CCDC7: variants seen among roughly 807,000 people sequenced by gnomAD.
CCDC7 encodes coiled-coil domain-containing protein 7.
Under a neutral mutation model 196.9 loss-of-function variants are expected in CCDC7, and 183 were observed. The ratio of observed to expected loss-of-function variants is 0.93; its 90% confidence interval spans 0.82 to 1.05. The LOEUF (loss-of-function observed/expected upper bound fraction) is 1.05, where lower values mean the gene tolerates loss of function less well. Ranked by LOEUF, CCDC7 falls within the 50% of genes least tolerant of loss-of-function variation. The pLI is 0.00. For synonymous variants in CCDC7, 525 were observed against 484.6 expected (o/e 1.08, Z -1.10); for missense variants, 1,540 against 1,482.2 (o/e 1.04, Z -0.64).
At chr10:32,557,627 T>G (rs2054582929) in intron 13 of CCDC7, among the ~76,000 whole-genome samples, 1 of 152,354 alleles carries the variant, frequency 6.6e-6, no homozygotes, top group Admixed American at 6.5e-5. Context: ...CCATCTGTTC[T>G]TATGCTCATA....
intron 11 of CCDC7, among the ~76,000 whole-genome samples, chr10:32,523,673 A>G (rs986284202): frequency 6.6e-6 from 1 of 152,026 alleles, no homozygotes; most frequent in Non-Finnish European, 1.5e-5. Context: ...GACTGCATAT[A>G]TATTTACAAT....
intron 8 of CCDC7, among the ~76,000 whole-genome samples, chr10:32,482,275 G>A (rs2040110331): frequency 6.6e-6 from 1 of 151,796 alleles, no homozygotes; most frequent in African/African-American, 2.4e-5. Flanking sequence ...GGTGAAGTCT[G>A]GGCTTTTAGT....
At chr10:32,679,309 C>G (rs573187738) in intron 21 of CCDC7, among the ~76,000 whole-genome samples, 28 of 152,206 alleles carry the variant, frequency 1.8e-4, no homozygotes, top group Non-Finnish European at 3.5e-4. Flanking sequence ...TGGCAGTGTC[C>G]TTCTGCCATA....
At chr10:32,581,220 T>C (rs2058703410) in intron 16 of CCDC7, among the ~76,000 whole-genome samples, 2 of 152,160 alleles carry the variant, frequency 1.3e-5, no homozygotes, top group African/African-American at 4.8e-5. Context: ...TATTTAGACA[T>C]GGAGTGATTA....
At chr10:32,444,773 A>G (rs2030582676), upstream of CCDC7, among the ~76,000 whole-genome samples, 2 of 151,776 alleles carry the variant, frequency 1.3e-5, no homozygotes, top group Admixed American at 1.3e-4. Flanking sequence ...AAATCTGATC[A>G]TTTATATGTA....
chr10:32,713,139 T>C (rs1457693631), intron 25 of CCDC7, among the ~76,000 whole-genome samples: 3 of 152,190 alleles, frequency 2.0e-5, no homozygotes, highest in African/African-American at 7.2e-5. Flanking sequence ...ACTAGTAATA[T>C]ATTCAGTAGT....
intron 31 of CCDC7, among the ~76,000 whole-genome samples, chr10:32,823,146 T>A (rs1355885386): frequency 1.3e-5 from 2 of 151,944 alleles, no homozygotes; most frequent in Non-Finnish European, 2.9e-5. Flanking sequence ...TCCAATATGA[T>A]GCTTTTTTTT....
At chr10:32,641,656 A>G (rs568679375) in intron 20 of CCDC7, among the ~76,000 whole-genome samples, 1 of 152,332 alleles carries the variant, frequency 6.6e-6, no homozygotes, top group South Asian at 2.1e-4. Flanking sequence ...TCAACTCGTC[A>G]AAGTCATTCT....
rs112747270 is a variant in CCDC7, at chr10:32,761,025, C to A, written c.2906-17952C>A. Among the ~76,000 whole-genome samples the A allele has an allele frequency of 2.7e-5, 4 of 150,882 alleles. No individual in the cohort carries two copies. In the East Asian group the frequency reaches 7.7e-4, roughly 29 times the overall value. ...GTATGGCAATATATTAATAATGTAACGTATGAATTCAGAAATGGAAGTAAT... is the reference window on the plus strand; with the variant it reads ...GTATGGCAATATATTAATAATGTAAAGTATGAATTCAGAAATGGAAGTAAT... On this transcript the variant is annotated intron_variant, in intron 28 of 41. Coordinates refer to ENST00000639629, the Ensembl canonical transcript of CCDC7.
At chr10:32,735,968 G>A (rs964622357) in intron 28 of CCDC7, among the ~76,000 whole-genome samples, 1 of 152,022 alleles carries the variant, frequency 6.6e-6, no homozygotes, top group African/African-American at 2.4e-5. Flanking sequence ...AAAATTTGTT[G>A]ACTATATTTA....
chr10:32,611,819 G>A (rs544484312), intron 18 of CCDC7, among the ~76,000 whole-genome samples: 6 of 152,270 alleles, frequency 3.9e-5, no homozygotes, highest in Non-Finnish European at 7.4e-5. Flanking sequence ...TTTGGCTACT[G>A]TAGCCTTGTA....
intron 8 of CCDC7, among the ~76,000 whole-genome samples, chr10:32,488,472 G>A (rs1040956875): frequency 5.3e-5 from 8 of 152,084 alleles, no homozygotes; most frequent in African/African-American, 1.4e-4. Context: ...GCTGATGCTC[G>A]TTGCGCTGCA....
Position 32,834,909 on chromosome 10 carries a change from G to T in CCDC7, c.3352+11G>T, listed in dbSNP as rs1320376071. On this transcript the variant is annotated intron_variant, in intron 33 of 41. Coordinates refer to ENST00000639629, the Ensembl canonical transcript of CCDC7. The stretch of plus-strand genomic sequence containing the variant: ...CAAAGAGTCATGGAGGTAAGAACAA[G>T]AATTTTTCAAGTCTCCTGTTAATGG... 1.6e-6 allele frequency: 2 copies of T among 1,242,094 alleles called. No individual in the cohort carries two copies. The highest frequency in any genetic ancestry group is 2.3e-6 in the Non-Finnish European group (2 of 873,240). 76.9% of individuals were successfully genotyped at this position (1,242,094 alleles called of 1,614,324 possible).
At chr10:32,786,625 G>A (rs2081933719) in intron 29 of CCDC7, among the ~76,000 whole-genome samples, 1 of 152,142 alleles carries the variant, frequency 6.6e-6, no homozygotes, top group South Asian at 2.1e-4. Flanking sequence ...GCCGGGCATG[G>A]TAATGCACAC....
intron 28 of CCDC7, among the ~76,000 whole-genome samples, chr10:32,729,752 A>G (rs1166238990): frequency 2.0e-5 from 3 of 152,090 alleles, no homozygotes; most frequent in Admixed American, 6.5e-5. Context: ...ATATTCTTCA[A>G]AACTTTATAT....
intron 8 of CCDC7, among the ~76,000 whole-genome samples, chr10:32,486,897 G>A (rs375814234): frequency 6.6e-6 from 1 of 151,802 alleles, no homozygotes; most frequent in Non-Finnish European, 1.5e-5. Flanking sequence ...GTTGGTAACT[G>A]GACCTTTCTC....
Position 32,512,001 on chromosome 10 carries a change from G to T in CCDC7, c.873-5944G>T, listed in dbSNP as rs2046297835. On this transcript the variant is annotated intron_variant, in intron 9 of 41. Transcript: ENST00000639629. ...AGGACAATCATGTTGGTCTTTGGGG[G>T]AGCTAATAGACATATTCTTCAGGAT... 3 of 432,726 alleles carry T rather than the reference G, an allele frequency of 6.9e-6. No homozygotes were observed. The East Asian group carries it at 1.3e-4, about 19-fold the overall frequency. 26.8% of individuals were successfully genotyped at this position (432,726 alleles called of 1,614,324 possible). A position where few individuals can be genotyped will look rare whatever the true frequency, so the allele number is the denominator to read the frequency against.
rs761649436 is a variant in CCDC7, at chr10:32,567,910, T to C, written c.1419+19T>C. ...TCCACAGGTGAGGAAATAACCAAAA[T>C]GGAGACAGTAGTATATGTTGTGAGA... On this transcript the variant is annotated intron_variant, in intron 15 of 41. Coordinates refer to ENST00000639629, the Ensembl canonical transcript of CCDC7. The C allele has an allele frequency of 1.2e-5, 20 of 1,604,958 alleles. No homozygotes were observed. Among genetic ancestry groups the C allele is most frequent in the Non-Finnish European group, 1.6e-5 (19 of 1,176,776 alleles).
chr10:32,751,430 G>A (rs1464890717), intron 28 of CCDC7, among the ~76,000 whole-genome samples: 1 of 152,084 alleles, frequency 6.6e-6, no homozygotes, highest in Non-Finnish European at 1.5e-5. Flanking sequence ...TTTATTGGAA[G>A]CATGAATATT....
Sources: gnomAD v4.1 joint callset for allele counts (sites outside exome capture counted in the v4.1 genomes callset) on GRCh38, gnomAD v4.1.1 for gene constraint, MANE v1.5 for transcripts, NCBI Gene and HGNC (gene_info 2026-07-23, HGNC 2026-07-21) for gene names.